Variants in TENM1 observed in about 807,000 individuals in gnomAD.
TENM1 encodes teneurin transmembrane protein 1.
In TENM1, 35 loss-of-function variants were observed where a neutral mutation model predicts 174.8. That is an observed-to-expected ratio of 0.20 (90% CI 0.15 to 0.27). The LOEUF (loss-of-function observed/expected upper bound fraction) is 0.27, where lower values mean the gene tolerates loss of function less well. Among genes scored for constraint, TENM1 ranks in the 10% least tolerant of loss-of-function variants. TENM1 has a pLI of 1.00. For missense variants in TENM1, 1,633 were observed against 2,130.1 expected (o/e 0.77, Z 4.59); for synonymous variants, 781 against 798.7 (o/e 0.98, Z 0.37).
At chrX:124,745,149 C>T (rs923232012) in intron 3 of TENM1, among the ~76,000 whole-genome samples, 1 of 111,477 alleles carries the variant, frequency 9.0e-6, no homozygotes, top group African/African-American at 3.3e-5. Context: ...AAAATGTTCT[C>T]GTAACCACCG....
intron 3 of TENM1, among the ~76,000 whole-genome samples, chrX:124,800,695 G>A (rs2055424458): frequency 9.0e-6 from 1 of 111,339 alleles, no homozygotes; most frequent in Non-Finnish European, 1.9e-5. Flanking sequence ...TGATGTCAGG[G>A]TGTCAACTTG....
intron 23 of TENM1, among the ~76,000 whole-genome samples, chrX:124,425,180 G>C (rs1236070793): frequency 8.9e-6 from 1 of 112,111 alleles, no homozygotes; most frequent in Non-Finnish European, 1.9e-5. Context: ...TGTCTTAGCT[G>C]TTGCAAATAG....
chrX:124,480,418 A>G (rs978125512), intron 22 of TENM1, among the ~76,000 whole-genome samples: 1 of 111,999 alleles, frequency 8.9e-6, no homozygotes, highest in African/African-American at 3.3e-5. Flanking sequence ...GTTAAAGAGT[A>G]ACCTCTTAAA....
chrX:125,000,725 C>CT, the TENM1 span, among the ~76,000 whole-genome samples: 2 of 111,151 alleles, frequency 1.8e-5, no homozygotes, highest in South Asian at 3.8e-4. Context: ...AACCAACTGG[C>CT]TTTTTTTCTG....
chrX:125,025,399 G>T, the TENM1 span, among the ~76,000 whole-genome samples: 1 of 111,527 alleles, frequency 9.0e-6, no homozygotes, highest in Non-Finnish European at 1.9e-5. Flanking sequence ...TAAATACAAA[G>T]AAATGAAAGA....
the TENM1 span, among the ~76,000 whole-genome samples, chrX:125,191,164 T>G: frequency 8.9e-6 from 1 of 111,789 alleles, no homozygotes; most frequent in East Asian, 2.8e-4. Flanking sequence ...TATTATTTAT[T>G]TAGGACAAAG....
At chrX:124,488,061 T>C in intron 20 of TENM1, among the ~76,000 whole-genome samples, 1 of 111,830 alleles carries the variant, frequency 8.9e-6, no homozygotes, top group Admixed American at 9.5e-5. Context: ...TAGAGGACTG[T>C]TGGGCCAGAA....
chrX:124,381,532 A>G (rs1032694685), intron 31 of TENM1, among the ~76,000 whole-genome samples: 3 of 111,829 alleles, frequency 2.7e-5, no homozygotes, highest in Admixed American at 9.5e-5. Flanking sequence ...ATACATTTAA[A>G]CTTGAAATCA....
chrX:125,023,767 T>A, the TENM1 span, among the ~76,000 whole-genome samples: 1 of 111,505 alleles, frequency 9.0e-6, no homozygotes, highest in Non-Finnish European at 1.9e-5. Context: ...AGACCTAGAC[T>A]CTTACTATCC....
At chrX:125,009,839 A>G in the TENM1 span, among the ~76,000 whole-genome samples, 6 of 111,933 alleles carry the variant, frequency 5.4e-5, no homozygotes, top group African/African-American at 1.9e-4. Flanking sequence ...ACATCCCTTC[A>G]TGTTAAAAAC....
chrX:124,443,244 A>G (rs904975819), intron 23 of TENM1, among the ~76,000 whole-genome samples: 2 of 111,284 alleles, frequency 1.8e-5, no homozygotes, highest in Non-Finnish European at 3.8e-5. Context: ...ATCTAAGGAC[A>G]AGAGAAAGTT....
the TENM1 span, among the ~76,000 whole-genome samples, chrX:125,147,794 A>C: frequency 9.0e-6 from 1 of 110,671 alleles, no homozygotes; most frequent in South Asian, 3.8e-4. Context: ...GCAAGAGAAA[A>C]CCCTCATTAT....
chrX:124,810,217 T>A, intron 3 of TENM1, among the ~76,000 whole-genome samples: 1 of 111,876 alleles, frequency 8.9e-6, no homozygotes, highest in Non-Finnish European at 1.9e-5. Context: ...CTATCCAGAA[T>A]AATTAGACAG....
the TENM1 span, among the ~76,000 whole-genome samples, chrX:125,017,963 C>A: frequency 1.8e-5 from 2 of 110,917 alleles, no homozygotes; most frequent in African/African-American, 6.6e-5. Flanking sequence ...CACGTGTATA[C>A]CTATGTAACA....
At chrX:124,414,062 G>T (rs1057082165) in intron 25 of TENM1, among the ~76,000 whole-genome samples, 1 of 112,144 alleles carries the variant, frequency 8.9e-6, no homozygotes, top group Non-Finnish European at 1.9e-5. Flanking sequence ...GAGATATTAT[G>T]AAGGCTTCTC....
the TENM1 span, among the ~76,000 whole-genome samples, chrX:125,075,426 T>C: frequency 9.0e-6 from 1 of 111,644 alleles, no homozygotes; most frequent in African/African-American, 3.2e-5. Flanking sequence ...TTTTTGGCTA[T>C]TAGGAATAAT....
chrX:124,948,670 A>C (rs1032112779), intron 1 of TENM1, among the ~76,000 whole-genome samples: 1 of 112,112 alleles, frequency 8.9e-6, no homozygotes, highest in Non-Finnish European at 1.9e-5. Context: ...CTCCAGCCTC[A>C]GCCTCCTGAG....
At chrX:124,486,310 T>A (rs1364112389) in intron 21 of TENM1, among the ~76,000 whole-genome samples, 1 of 112,537 alleles carries the variant, frequency 8.9e-6, no homozygotes, top group Non-Finnish European at 1.9e-5. Context: ...GATCACTTCA[T>A]TCATACTAGT....
intron 18 of TENM1, among the ~76,000 whole-genome samples, chrX:124,507,886 G>A (rs2047488289): frequency 8.9e-6 from 1 of 112,127 alleles, no homozygotes; most frequent in Non-Finnish European, 1.9e-5. Context: ...CAAGTCGTCT[G>A]ATAGTCAATG....
Sources: allele counts gnomAD v4.1 joint callset (sites outside exome capture counted in the v4.1 genomes callset), GRCh38; gene constraint gnomAD v4.1.1; transcripts MANE v1.5; gene names NCBI Gene and HGNC (gene_info 2026-07-23, HGNC 2026-07-21).